GABBR2: variants seen among roughly 807,000 people sequenced by gnomAD.
The protein encoded by GABBR2 is G-protein coupled receptor 51.
GABBR2 carries 23 observed loss-of-function variants against 105.6 expected under a neutral mutation model. The observed-to-expected ratio is 0.22, with a 90% CI of 0.16 to 0.31. The LOEUF (loss-of-function observed/expected upper bound fraction) is 0.31, where lower values mean the gene tolerates loss of function less well. Among genes scored for constraint, GABBR2 ranks in the 10% least tolerant of loss-of-function variants. The pLI, the probability that GABBR2 is intolerant of heterozygous loss-of-function variation, is 1.00. For missense variants in GABBR2, 734 were observed against 1,245.5 expected (o/e 0.59, Z 6.18); for synonymous variants, 478 against 499.7 (o/e 0.96, Z 0.58).
At chr9:98,537,100 C>T (rs1037490205) in intron 3 of GABBR2, among the ~76,000 whole-genome samples, 2 of 152,204 alleles carry the variant, frequency 1.3e-5, no homozygotes, top group Admixed American at 6.5e-5. Flanking sequence ...AGAGCTTGGA[C>T]AGGCTCCAAC....
chr9:98,372,820 A>G lies in GABBR2; in HGVS notation c.1663-1249T>C, dbSNP rs532860351. Reference sequence around the variant, plus strand: ...TTCAATTTTATTTGTAAAAATAGGAACTATTTTTAGATTGCAAGGCTGACC... The same window carrying G: ...TTCAATTTTATTTGTAAAAATAGGAGCTATTTTTAGATTGCAAGGCTGACC... On this transcript the variant is annotated intron_variant, in intron 11 of 18. Transcript: ENST00000259455. Among the ~76,000 whole-genome samples, 7 of 152,360 alleles carry G rather than the reference A, an allele frequency of 4.6e-5. No individual in the cohort carries two copies. In the South Asian group the frequency reaches 1.4e-3, roughly 32 times the overall value.
intron 13 of GABBR2, among the ~76,000 whole-genome samples, chr9:98,333,576 T>TG (rs1831064640): frequency 6.6e-6 from 1 of 152,158 alleles, no homozygotes. Context: ...ATGTGTATTT[T>TG]TTATAAGGAC....
chr9:98,585,587 C>T (rs1160165577), intron 1 of GABBR2, among the ~76,000 whole-genome samples: 1 of 151,780 alleles, frequency 6.6e-6, no homozygotes, highest in Non-Finnish European at 1.5e-5. Context: ...CACACGTATA[C>T]ATATGTAACA....
At chr9:98,405,648 G>A (rs1832477235) in intron 8 of GABBR2, among the ~76,000 whole-genome samples, 1 of 152,100 alleles carries the variant, frequency 6.6e-6, no homozygotes, top group African/African-American at 2.4e-5. Flanking sequence ...ATAAAATGGG[G>A]TAGTATTTGC....
chr9:98,482,273 G>C (rs1035672740), intron 4 of GABBR2, among the ~76,000 whole-genome samples: 1 of 152,128 alleles, frequency 6.6e-6, no homozygotes, highest in Non-Finnish European at 1.5e-5. Context: ...ATGTACTTTA[G>C]CAAAATAAAG....
intron 13 of GABBR2, among the ~76,000 whole-genome samples, chr9:98,332,450 A>G (rs1313187173): frequency 6.6e-6 from 1 of 152,224 alleles, no homozygotes; most frequent in Non-Finnish European, 1.5e-5. Context: ...TGACGCTCAC[A>G]GTAAACCTGT....
At chr9:98,625,215 G>A (rs970548038) in intron 1 of GABBR2, among the ~76,000 whole-genome samples, 1 of 152,214 alleles carries the variant, frequency 6.6e-6, no homozygotes, top group African/African-American at 2.4e-5. Flanking sequence ...AGGCACGCTT[G>A]TGCTCCCTCC....
chr9:98,357,967 T>G (rs1368192279), intron 13 of GABBR2, among the ~76,000 whole-genome samples: 1 of 152,270 alleles, frequency 6.6e-6, no homozygotes, highest in Non-Finnish European at 1.5e-5. Flanking sequence ...GTTTTGGGTA[T>G]TCATGCGTGA....
At chr9:98,640,143 T>TATATAA (rs1230264321) in intron 1 of GABBR2, among the ~76,000 whole-genome samples, 2 of 146,748 alleles carry the variant, frequency 1.4e-5, no homozygotes, top group Admixed American at 6.8e-5. Context: ...TATATATATA[T>TATATAA]ATAAACAATC....
rs549211568 is a variant in GABBR2, at chr9:98,668,502, T to C, written c.321+39915A>G. Among the ~76,000 whole-genome samples, 9 of 152,340 alleles carry C rather than the reference T, an allele frequency of 5.9e-5. No homozygotes were observed. The East Asian group carries it at 1.7e-3, about 29-fold the overall frequency. On this transcript the variant is annotated intron_variant, in intron 1 of 18. Coordinates refer to ENST00000259455, the MANE Select transcript of GABBR2 (RefSeq NM_005458.8). Reference sequence around the variant, plus strand: ...TTAACTTTCTTAATTCCTTTTTTATTGTGGCAAAATACACATAACATAAAA... The same window carrying C: ...TTAACTTTCTTAATTCCTTTTTTATCGTGGCAAAATACACATAACATAAAA...
At chr9:98,693,322 A>G (rs1271379679) in intron 1 of GABBR2, among the ~76,000 whole-genome samples, 1 of 147,600 alleles carries the variant, frequency 6.8e-6, no homozygotes, top group Non-Finnish European at 1.5e-5. Context: ...AGCAGTTTCC[A>G]TGTGCACTGA....
intron 1 of GABBR2, among the ~76,000 whole-genome samples, chr9:98,611,174 G>A (rs577046290): frequency 0.012 from 1,836 of 152,164 alleles, 41 homozygotes; most frequent in African/African-American, 0.043. Context: ...TCAGCCCCCC[G>A]GAGATAAAGA....
intron 1 of GABBR2, among the ~76,000 whole-genome samples, chr9:98,704,456 G>T (rs1008618919): frequency 1.3e-5 from 2 of 152,122 alleles, no homozygotes; most frequent in Non-Finnish European, 1.5e-5. Flanking sequence ...ATAGGGGAAT[G>T]ATTAAATACG....
rs113196127 is a variant in GABBR2 at position 98,670,160 on chromosome 9, A to G, written c.321+38257T>C. Among the ~76,000 whole-genome samples, 699 of 152,360 alleles carry G rather than the reference A, an allele frequency of 4.6e-3. 5 individuals carry two copies. Among genetic ancestry groups the G allele is most frequent in the African/African-American group, 0.016 (668 of 41,572 alleles). ...AAAAAATAAACAGGTTTATTGAGAT[A>G]TAATTCACATATACAAATTACCCCT... On this transcript the variant is annotated intron_variant, in intron 1 of 18. Transcript: ENST00000259455.
intron 12 of GABBR2, among the ~76,000 whole-genome samples, chr9:98,370,405 C>A (rs1485168858): frequency 6.6e-6 from 1 of 152,150 alleles, no homozygotes. Context: ...CCTTGCCAGG[C>A]CCAGTAAGCC....
At chr9:98,580,554 G>A (rs1828986529) in intron 1 of GABBR2, among the ~76,000 whole-genome samples, 1 of 152,182 alleles carries the variant, frequency 6.6e-6, no homozygotes, top group Admixed American at 6.5e-5. Context: ...TTGGGAGGCT[G>A]AGGCAGGCAG....
At chr9:98,361,872 T>C (rs1831591450) in intron 13 of GABBR2, among the ~76,000 whole-genome samples, 1 of 152,232 alleles carries the variant, frequency 6.6e-6, no homozygotes. Flanking sequence ...CTGAGCATCT[T>C]ATTTTCTATA....
intron 13 of GABBR2, among the ~76,000 whole-genome samples, chr9:98,325,910 A>G (rs1181752400): frequency 6.6e-6 from 1 of 152,178 alleles, no homozygotes; most frequent in Non-Finnish European, 1.5e-5. Context: ...TCAAAGACCT[A>G]AGGGCCCATG....
chr9:98,506,948 C>T (rs535091357), intron 3 of GABBR2, among the ~76,000 whole-genome samples: 2 of 152,152 alleles, frequency 1.3e-5, no homozygotes, highest in Non-Finnish European at 2.9e-5. Context: ...CTGTAGGCTG[C>T]TCCTCTCCCC....
Sources: gnomAD v4.1 joint callset for allele counts (sites outside exome capture counted in the v4.1 genomes callset) on GRCh38, gnomAD v4.1.1 for gene constraint, MANE v1.5 for transcripts, NCBI Gene and HGNC (gene_info 2026-07-23, HGNC 2026-07-21) for gene names.